TMEM182: variants seen among roughly 807,000 people sequenced by gnomAD.
TMEM182 encodes transmembrane protein 182.
A neutral mutation model predicts 26.8 loss-of-function variants in TMEM182; 20 were observed. That is an observed-to-expected ratio of 0.75 (90% CI 0.53 to 1.09). The LOEUF (loss-of-function observed/expected upper bound fraction) is 1.09. Among genes scored for constraint, TMEM182 ranks in the 50% least tolerant of loss-of-function variants. TMEM182 has a pLI of 0.00. For synonymous variants in TMEM182, 109 were observed against 102.2 expected, an observed-to-expected ratio of 1.07 and a Z score of -0.40; for missense variants, 277 against 275.5, an observed-to-expected ratio of 1.01 and a Z score of -0.04.
intron 3 of TMEM182, among the ~76,000 whole-genome samples, chr2:102,841,643 A>G (rs1683353257): frequency 6.6e-6 from 1 of 152,220 alleles, no homozygotes; most frequent in African/African-American, 2.4e-5. Context: ...AGATCTTCCA[A>G]GTTTTAAAAT....
At chr2:102,784,818 C>T (rs1038292306) in intron 3 of TMEM182, among the ~76,000 whole-genome samples, 1 of 152,140 alleles carries the variant, frequency 6.6e-6, no homozygotes, top group Non-Finnish European at 1.5e-5. Flanking sequence ...AGTGTAGCAG[C>T]GAGGACAACC....
intron 3 of TMEM182, among the ~76,000 whole-genome samples, chr2:102,796,715 T>A (rs770975487): frequency 4.6e-5 from 7 of 152,188 alleles, no homozygotes; most frequent in African/African-American, 7.2e-5. Flanking sequence ...AAGCCTATCA[T>A]GTATTCCTGT....
intron 3 of TMEM182, among the ~76,000 whole-genome samples, chr2:102,772,850 C>T (rs984046696): frequency 6.6e-6 from 1 of 151,778 alleles, no homozygotes; most frequent in African/African-American, 2.4e-5. Flanking sequence ...TGATGATATA[C>T]CAATTTAGAG....
At chr2:102,834,197 A>G (rs1683199721) in intron 3 of TMEM182, among the ~76,000 whole-genome samples, 1 of 152,190 alleles carries the variant, frequency 6.6e-6, no homozygotes, top group African/African-American at 2.4e-5. Flanking sequence ...TGGCAATGAC[A>G]TGGCTGCCTA....
At chr2:102,746,156 C>T (rs1679689050) in intron 1 of TMEM182, among the ~76,000 whole-genome samples, 1 of 152,114 alleles carries the variant, frequency 6.6e-6, no homozygotes, top group Non-Finnish European at 1.5e-5. Context: ...TAGTATCTCA[C>T]TATGGTTTTG....
In TMEM182 at chr2:102,815,407, C is replaced by T; in HGVS notation, c.*439C>T. ...TCAGAGAATTTATTTTGTTTCTTGC[C>T]CACACAGATAATATCCACATACACA... On this transcript the variant is annotated 3_prime_UTR_variant, in exon 5 of 5. Coordinates refer to ENST00000412401, the MANE Select transcript of TMEM182 (RefSeq NM_144632.5). The T allele has an allele frequency of 2.0e-6, 2 of 998,598 alleles. No homozygotes were observed. The highest frequency in any genetic ancestry group is 2.4e-6 in the Non-Finnish European group (2 of 838,800). The allele number at this position is 998,598 out of a possible 1,614,324, so 61.9% of individuals were successfully genotyped here. A position where few individuals can be genotyped will look rare whatever the true frequency, so the allele number is the denominator to read the frequency against.
chr2:102,782,964 T>A (rs1279061775), intron 3 of TMEM182, among the ~76,000 whole-genome samples: 2 of 152,238 alleles, frequency 1.3e-5, no homozygotes, highest in African/African-American at 4.8e-5. Context: ...TTCAAGTCTG[T>A]ACATAGCCAA....
At chr2:102,810,376 C>T (rs1468973596) in intron 4 of TMEM182, among the ~76,000 whole-genome samples, 1 of 152,036 alleles carries the variant, frequency 6.6e-6, no homozygotes, top group South Asian at 2.1e-4. Context: ...TTGACTTGGT[C>T]TTGGGGGAAT....
intron 3 of TMEM182, among the ~76,000 whole-genome samples, chr2:102,782,742 A>G (rs549842515): frequency 6.6e-6 from 1 of 152,374 alleles, no homozygotes; most frequent in Non-Finnish European, 1.5e-5. Context: ...TAGTCACTTT[A>G]AAACAAGATC....
chr2:102,800,797 TTGTGTGTGTGTGTGTGTGTGTG>T (rs71378190), intron 4 of TMEM182, among the ~76,000 whole-genome samples: 5 of 137,786 alleles, frequency 3.6e-5, no homozygotes, highest in Non-Finnish European at 4.7e-5. Context: ...TTTGGACAGT[TTGTGTGTGTGTGTGTGTGTGTG>T]TGTGTGTGTG....
At chr2:102,835,534 G>A (rs987958612) in intron 3 of TMEM182, among the ~76,000 whole-genome samples, 1 of 151,968 alleles carries the variant, frequency 6.6e-6, no homozygotes, top group Non-Finnish European at 1.5e-5. Context: ...GTTGGGTTTG[G>A]ACAAATGTAT....
rs563635187 is a variant in TMEM182, at chr2:102,786,087, G to A, written c.332-11776G>A. On this transcript the variant is annotated intron_variant, in intron 3 of 4. Transcript: ENST00000412401. Reference sequence around the variant, plus strand: ...AGGAAATCAGTGAATGAGGAAATTTGTCTTTTCTGGCAGTTTTAGAATTGG... The same window carrying A: ...AGGAAATCAGTGAATGAGGAAATTTATCTTTTCTGGCAGTTTTAGAATTGG... 1.3e-4 allele frequency among the ~76,000 whole-genome samples: 18 copies of A among 141,684 alleles called. 1 individual carries two copies. Among genetic ancestry groups the A allele is most frequent in the Non-Finnish European group, 2.3e-4 (15 of 65,598 alleles). 93.0% of individuals were successfully genotyped at this position (141,684 alleles called of 152,430 possible). A position where few individuals can be genotyped will look rare whatever the true frequency, so the allele number is the denominator to read the frequency against.
chr2:102,835,037 A>T (rs1237770124), intron 3 of TMEM182, among the ~76,000 whole-genome samples: 1 of 152,238 alleles, frequency 6.6e-6, no homozygotes, highest in Non-Finnish European at 1.5e-5. Flanking sequence ...ACACAAAGCA[A>T]TTGTGGGGGG....
intron 3 of TMEM182, among the ~76,000 whole-genome samples, chr2:102,823,204 T>C (rs1165931289): frequency 6.6e-6 from 1 of 152,256 alleles, no homozygotes; most frequent in African/African-American, 2.4e-5. Flanking sequence ...CTTGATTTTC[T>C]AGATAAGCAT....
At chr2:102,767,666 G>C (rs1347611846) in intron 3 of TMEM182, among the ~76,000 whole-genome samples, 1 of 151,784 alleles carries the variant, frequency 6.6e-6, no homozygotes, top group Non-Finnish European at 1.5e-5. Context: ...CATAGTTCCT[G>C]GTAATTACTA....
At chr2:102,820,236 C>T (rs1682892177), downstream of TMEM182, among the ~76,000 whole-genome samples, 1 of 152,184 alleles carries the variant, frequency 6.6e-6, no homozygotes, top group African/African-American at 2.4e-5. Context: ...TTTAAACTTG[C>T]AATTTGCCAA....
chr2:102,819,575 G>A (rs183740011), downstream of TMEM182, among the ~76,000 whole-genome samples: 102 of 152,236 alleles, frequency 6.7e-4, no homozygotes, highest in Middle Eastern at 0.01. Context: ...ATATACATAT[G>A]TCTGTGTGTA....
At chr2:102,760,323 A>G (rs1680168241), upstream of TMEM182, among the ~76,000 whole-genome samples, 1 of 152,208 alleles carries the variant, frequency 6.6e-6, no homozygotes, top group South Asian at 2.1e-4. Context: ...TCACAGACAG[A>G]GGATTGAAAC....
intron 3 of TMEM182, among the ~76,000 whole-genome samples, chr2:102,833,530 C>G (rs1683188175): frequency 6.6e-6 from 1 of 152,180 alleles, no homozygotes. Flanking sequence ...AGGTTAACAT[C>G]CCAGGAAACC....
Sources: allele counts gnomAD v4.1 joint callset (sites outside exome capture counted in the v4.1 genomes callset), GRCh38; gene constraint gnomAD v4.1.1; transcripts MANE v1.5; gene names NCBI Gene and HGNC (gene_info 2026-07-23, HGNC 2026-07-21).